AFF1: variants seen among roughly 807,000 people sequenced by gnomAD.
The protein encoded by AFF1 is AF4/FMR2 family member 1.
AFF1 carries 48 observed loss-of-function variants against 121.7 expected under a neutral mutation model. The observed-to-expected ratio is 0.39, with a 90% CI of 0.31 to 0.50. The LOEUF (loss-of-function observed/expected upper bound fraction) is 0.50, where lower values mean the gene tolerates loss of function less well. AFF1 is among the 20% of genes least tolerant of loss of function. The pLI is 0.76. For synonymous variants in AFF1, 613 were observed against 563.0 expected, an observed-to-expected ratio of 1.09 and a Z score of -1.26; for missense variants, 1,523 against 1,511.7, an observed-to-expected ratio of 1.01 and a Z score of -0.12.
chr4:87,082,703 A>G (rs1343952112), intron 4 of AFF1, among the ~76,000 whole-genome samples: 1 of 152,154 alleles, frequency 6.6e-6, no homozygotes, highest in East Asian at 1.9e-4. Flanking sequence ...TGCTGGGATT[A>G]CAGGTGTGAG....
intron 6 of AFF1, 93 bp from the exon 7 acceptor site, chr4:87,091,700 A>G (rs1205008442): frequency 2.4e-6 from 2 of 831,612 alleles, no homozygotes. Context: ...GTTTCATAAG[A>G]CTATCCTTTT....
chr4:87,029,302 G>A (rs539039656), intron 2 of AFF1, among the ~76,000 whole-genome samples: 13 of 152,236 alleles, frequency 8.5e-5, no homozygotes, highest in Non-Finnish European at 8.8e-5. Flanking sequence ...AAATGGGAAG[G>A]AATAGGTGAT....
At chr4:86,967,877 G>T (rs2149475763) in intron 2 of AFF1, among the ~76,000 whole-genome samples, 1 of 152,332 alleles carries the variant, frequency 6.6e-6, no homozygotes, top group South Asian at 2.1e-4. Context: ...GTTCATTGGG[G>T]AAGGTCTGGG....
intron 5 of AFF1, 36 bp from the exon 6 acceptor site, chr4:87,089,948 A>G (rs1179002224): frequency 2.7e-6 from 4 of 1,492,516 alleles, no homozygotes; most frequent in Middle Eastern, 1.7e-4. Flanking sequence ...TCTATTTATA[A>G]TTTACTTTTT....
At chr4:87,003,723 A>G (rs1725891302) in intron 2 of AFF1, among the ~76,000 whole-genome samples, 2 of 152,254 alleles carry the variant, frequency 1.3e-5, no homozygotes, top group African/African-American at 4.8e-5. Context: ...TGTTTATAGC[A>G]TAAATGATCA....
At chr4:87,046,500 C>A (rs778342621) in intron 3 of AFF1, among the ~76,000 whole-genome samples, 195 bp from the exon 4 acceptor site, 1 of 152,156 alleles carries the variant, frequency 6.6e-6, no homozygotes, top group Non-Finnish European at 1.5e-5. Context: ...TTTTGTAATG[C>A]TAGTCTTCTA....
chr4:86,976,010 A>G (rs2149484932), intron 2 of AFF1, among the ~76,000 whole-genome samples: 1 of 152,310 alleles, frequency 6.6e-6, no homozygotes, highest in East Asian at 1.9e-4. Flanking sequence ...TTATAGGGTG[A>G]GTATAGCAGG....
At chr4:87,131,315 A>T (rs1728807745) in intron 17 of AFF1, 96 bp downstream of exon 17, 5 of 1,481,670 alleles carry the variant, frequency 3.4e-6, no homozygotes, top group Non-Finnish European at 4.6e-6. Flanking sequence ...AGATGGCTCA[A>T]TAAAGGGGAG....
intron 2 of AFF1, chr4:86,973,710 C>CTTTCT (rs900734049): frequency 1.3e-5 from 2 of 152,082 alleles, no homozygotes; most frequent in East Asian, 1.9e-4. Context: ...TTAACGTTTT[C>CTTTCT]TTTCTTTTCT....
At chr4:87,060,378 TTAAAAG>T in intron 4 of AFF1, among the ~76,000 whole-genome samples, 1 of 152,352 alleles carries the variant, frequency 6.6e-6, no homozygotes, top group East Asian at 1.9e-4. Context: ...TATATACTTC[TTAAAAG>T]TAATGCATAT....
At chr4:87,007,225 C>G (rs1726230243) in intron 2 of AFF1, 1 of 1,456,514 alleles carries the variant, frequency 6.9e-7, no homozygotes, top group South Asian at 1.4e-5. Flanking sequence ...CCAATACGGG[C>G]CGAGCCCGGG....
At chr4:87,115,368 A>G in intron 12 of AFF1, 69 bp downstream of exon 12, 1 of 1,417,792 alleles carries the variant, frequency 7.1e-7, no homozygotes, top group Non-Finnish European at 9.3e-7. Context: ...GGTATCTTTG[A>G]TCGGCCTTTG....
rs1729457827 is a variant in AFF1 at position 87,138,292 on chromosome 4, C to T, written c.*2591C>T. ...TGAAGGATTTTTAAAATGATTTGCA[C>T]TTTTTCACTGCATGCTTACAATTCC... On this transcript the variant is annotated 3_prime_UTR_variant, in exon 21 of 21. Coordinates refer to ENST00000395146, the MANE Select transcript of AFF1 (RefSeq NM_001166693.3). The T allele has an allele frequency of 4.3e-6, 1 of 232,430 alleles. No homozygotes were observed. Among genetic ancestry groups the T allele is most frequent in the Admixed American group, 5.6e-5 (1 of 17,764 alleles). 14.4% of individuals were successfully genotyped at this position (232,430 alleles called of 1,614,324 possible). A position where few individuals can be genotyped will look rare whatever the true frequency, so the allele number is the denominator to read the frequency against.
At chr4:86,941,396 G>A (rs1049200586) in intron 1 of AFF1, among the ~76,000 whole-genome samples, 4 of 152,020 alleles carry the variant, frequency 2.6e-5, no homozygotes, top group Admixed American at 1.3e-4. Flanking sequence ...AGTGGGTCAC[G>A]CCTGTAATCC....
intron 2 of AFF1, among the ~76,000 whole-genome samples, chr4:86,958,705 A>T (rs559321899): frequency 5.5e-4 from 84 of 152,224 alleles, no homozygotes; most frequent in African/African-American, 1.9e-3. Flanking sequence ...GAGACAGAGT[A>T]AGACTCTCTC....
At chr4:87,080,843 A>C (rs1723090100) in intron 4 of AFF1, among the ~76,000 whole-genome samples, 1 of 152,176 alleles carries the variant, frequency 6.6e-6, no homozygotes, top group South Asian at 2.1e-4. Flanking sequence ...AAGTGTCTCT[A>C]ATTAGGGTGG....
At chr4:87,066,559 A>G (rs1440796944) in intron 4 of AFF1, among the ~76,000 whole-genome samples, 1 of 152,202 alleles carries the variant, frequency 6.6e-6, no homozygotes, top group Non-Finnish European at 1.5e-5. Flanking sequence ...AGTGAACTCC[A>G]GCCTGGGCAA....
chr4:87,048,993 C>T (rs565792705), intron 4 of AFF1, among the ~76,000 whole-genome samples: 1 of 151,288 alleles, frequency 6.6e-6, no homozygotes, highest in East Asian at 1.9e-4. Context: ...CAGTCACTCC[C>T]CCTGCCTTCT....
chr4:86,961,441 C>T (rs1311626262), intron 2 of AFF1, among the ~76,000 whole-genome samples: 1 of 152,080 alleles, frequency 6.6e-6, no homozygotes, highest in Admixed American at 6.6e-5. Flanking sequence ...CTCTAGCTGA[C>T]TCTTCTTTTT....
Sources: gnomAD v4.1 joint callset for allele counts (sites outside exome capture counted in the v4.1 genomes callset) on GRCh38, gnomAD v4.1.1 for gene constraint, MANE v1.5 for transcripts, NCBI Gene and HGNC (gene_info 2026-07-23, HGNC 2026-07-21) for gene names.